Variants in ERCC1 observed in about 807,000 individuals in gnomAD.
The protein encoded by ERCC1 is ERCC excision repair 1, endonuclease non-catalytic subunit.
Under a neutral mutation model 37.6 loss-of-function variants are expected in ERCC1, and 36 were observed. The observed-to-expected ratio is 0.96, with a 90% CI of 0.73 to 1.26. ERCC1 has a LOEUF of 1.26. Among genes scored for constraint, ERCC1 ranks in the 50% most tolerant of loss-of-function variants. The pLI is 0.00. For missense variants in ERCC1, 349 were observed against 376.5 expected, an observed-to-expected ratio of 0.93 and a Z score of 0.60; for synonymous variants, 156 against 162.1, an observed-to-expected ratio of 0.96 and a Z score of 0.28.
At chr19:45,419,280 AAGGGCTCAGAGTACGGCATGGGGGACAG>A in intron 4 of ERCC1, 83 bp from the exon 5 acceptor site, 1 of 972,364 alleles carries the variant, frequency 1.0e-6, no homozygotes, top group Admixed American at 2.0e-5. Flanking sequence ...CTGGAATACT[AAGGGCTCAGAGTACGGCATGGGGGACAG>A]AGGGTCCTGA....
intron 1 of ERCC1, among the ~76,000 whole-genome samples, chr19:45,440,879 G>A (rs1023797349): frequency 6.6e-6 from 1 of 152,084 alleles, no homozygotes; most frequent in Non-Finnish European, 1.5e-5. Context: ...GACTACAGGT[G>A]TGCACCAGCA....
intron 6 of ERCC1, chr19:45,416,607 C>A: frequency 1.8e-6 from 1 of 549,850 alleles, no homozygotes; most frequent in Non-Finnish European, 3.2e-6. Flanking sequence ...CACTGCACTT[C>A]AGCCTAGGGG....
At chr19:45,442,231 G>A (rs754889832) in intron 1 of ERCC1, among the ~76,000 whole-genome samples, 10 of 151,018 alleles carry the variant, frequency 6.6e-5, no homozygotes, top group Non-Finnish European at 1.3e-4. Flanking sequence ...TGGGTGGGAG[G>A]ATCGGTTGAG....
intron 8 of ERCC1, 98 bp from the exon 9 acceptor site, chr19:45,413,843 G>A (rs918876568): frequency 1.8e-5 from 28 of 1,589,604 alleles, no homozygotes; most frequent in Non-Finnish European, 2.2e-5. Flanking sequence ...GGAGATGAGG[G>A]CCTGTGGGAA....
chr19:45,421,058 A>C, intron 3 of ERCC1, 120 bp downstream of exon 3: 1 of 822,974 alleles, frequency 1.2e-6, no homozygotes, highest in South Asian at 1.4e-5. Flanking sequence ...TGAATGAATG[A>C]ATGAATGAAT....
In ERCC1 at chr19:45,408,062, A is replaced by AAAAAAAAAAATCAAAAAACCT; in HGVS notation, c.*1612_*1613insAGGTTTTTTGATTTTTTTTTT. 48 of 755,298 alleles carry AAAAAAAAAAATCAAAAAACCT rather than the reference A, an allele frequency of 6.4e-5. No individual in the cohort carries two copies. The highest frequency in any genetic ancestry group is 7.4e-5 in the Non-Finnish European group (45 of 604,704). 46.8% of individuals were successfully genotyped at this position (755,298 alleles called of 1,614,324 possible). A position where few individuals can be genotyped will look rare whatever the true frequency, so the allele number is the denominator to read the frequency against. The stretch of plus-strand genomic sequence containing the variant: ...GAGCAAGACTCTCTCAAAAAAAAAC[A>AAAAAAAAAAATCAAAAAACCT]AAAAAAAAATCAAAAAACCTTCCCT... On this transcript the variant is annotated 3_prime_UTR_variant, in exon 10 of 10. Transcript: ENST00000300853.
Position 45,413,727 on chromosome 19 carries a change from C to T in ERCC1, c.793G>A (p.Ala265Thr), listed in dbSNP as rs144868115. The change falls in exon 9 of 10, where the codon GCC becomes ACC. Residue 265 changes from alanine to threonine, a missense_variant. Coordinates refer to ENST00000300853, the MANE Select transcript of ERCC1 (RefSeq NM_001983.4). ...TTFGSLEQLI[A>T]ASREDLALCP... ...AAGGCCAGATCTTCTCTTGATGCGG[C>T]GATGAGCTGTTCCAGAGACTGAAAG... 137 of 1,613,674 alleles carry T rather than the reference C, an allele frequency of 8.5e-5. No individual in the cohort carries two copies. The African/African-American group carries it at 1.1e-3, about 13-fold the overall frequency.
upstream of ERCC1, chr19:45,424,135 C>CA (rs1254860974): frequency 9.1e-6 from 8 of 875,428 alleles, no homozygotes; most frequent in Admixed American, 1.2e-4. Context: ...GCAGGAGATC[C>CA]AACTTGGTCC....
intron 1 of ERCC1, among the ~76,000 whole-genome samples, chr19:45,437,119 C>G (rs73564949): frequency 0.079 from 11,964 of 151,928 alleles, 1,537 homozygotes; most frequent in African/African-American, 0.27. Context: ...CGTTGTGACA[C>G]ACGCCCGTAA....
At chr19:45,421,808 T>G (rs537290799) in intron 2 of ERCC1, among the ~76,000 whole-genome samples, 1 of 152,086 alleles carries the variant, frequency 6.6e-6, no homozygotes, top group African/African-American at 2.4e-5. Flanking sequence ...AATTTTTGTA[T>G]TTTTAGTAGA....
At position 45,409,623 on chromosome 19, in the gene ERCC1, C is replaced by G. The variant is rs1271770191; in HGVS notation, c.*52G>C. 1 of 1,550,292 alleles carries G rather than the reference C, an allele frequency of 6.5e-7. No individual in the cohort carries two copies. The highest frequency in any genetic ancestry group is 1.1e-5 in the South Asian group (1 of 87,840). On this transcript the variant is annotated 3_prime_UTR_variant, in exon 10 of 10. Transcript: ENST00000300853. ...CCAGCGCAGCCAGCAGGAGCCTGGC[C>G]TGGGAGGACGATTTATTATTACACT... is the stretch of plus-strand genomic sequence containing the variant.
chr19:45,419,374 C>T (rs1399489682), intron 4 of ERCC1, 177 bp from the exon 5 acceptor site: 1 of 610,046 alleles, frequency 1.6e-6, no homozygotes, highest in Non-Finnish European at 3.0e-6. Flanking sequence ...AGATGCTCCG[C>T]AGGGATTGGC....
intron 9 of ERCC1, 144 bp from the exon 10 acceptor site, chr19:45,409,869 C>CTTT: frequency 4.6e-6 from 2 of 434,040 alleles, no homozygotes; most frequent in Admixed American, 4.0e-5. Flanking sequence ...CAGTTACAAT[C>CTTT]TTTTTAAGTT....
chr19:45,434,153 C>A (rs1376882574), intron 1 of ERCC1, among the ~76,000 whole-genome samples: 1 of 101,504 alleles, frequency 9.9e-6, no homozygotes, highest in Non-Finnish European at 1.9e-5. Flanking sequence ...CACACACACA[C>A]ACAAAAAAAA....
Position 45,408,357 on chromosome 19 carries a change from T to G in ERCC1, c.*1318A>C. ...CAGCAATCCCTGTCAGGGAGCCCTC[T>G]GCAGCCCATCCCAGCAAGTCCCCCA... On this transcript the variant is annotated 3_prime_UTR_variant, in exon 10 of 10. Coordinates refer to ENST00000300853, the MANE Select transcript of ERCC1 (RefSeq NM_001983.4). 3 of 1,608,048 alleles carry G rather than the reference T, an allele frequency of 1.9e-6. No individual in the cohort carries two copies. The highest frequency in any genetic ancestry group is 2.6e-6 in the Non-Finnish European group (3 of 1,175,790).
upstream of ERCC1, among the ~76,000 whole-genome samples, chr19:45,426,551 C>CA (rs199743758): frequency 0.11 from 13,774 of 127,362 alleles, 2,268 homozygotes; most frequent in African/African-American, 0.37. Flanking sequence ...AACTCCATCT[C>CA]AAAAAAAAAA....
Position 45,423,315 on chromosome 19 carries a change from C to T in ERCC1, c.60G>A (p.Lys20=), listed in dbSNP as rs758167924. ...VPQPSGPPAR[K]KFVIPLDEDE... is the part of the protein sequence containing the mutation. ...CCTCGTCGAGGGGTATCACAAATTT[C>T]TTCCTTGCTGGCGGCCCTGAGGGCT... is the stretch of plus-strand genomic sequence containing the variant. The change falls in exon 2 of 10, where the codon AAG becomes AAA. Residue 20 remains lysine (K), a synonymous_variant. Transcript: ENST00000300853. The T allele has an allele frequency of 7.1e-5, 115 of 1,613,892 alleles. No individual in the cohort carries two copies. The highest frequency in any genetic ancestry group is 9.7e-5 in the Non-Finnish European group (114 of 1,179,994).
chr19:45,420,473 G>C lies in ERCC1; in HGVS notation c.322-46C>G, dbSNP rs1200994533. 1 of 1,227,936 alleles carries C rather than the reference G, an allele frequency of 8.1e-7. No homozygotes were observed. Among genetic ancestry groups the C allele is most frequent in the Non-Finnish European group, 1.2e-6 (1 of 839,232 alleles). 76.1% of individuals were successfully genotyped at this position (1,227,936 alleles called of 1,614,324 possible). A position where few individuals can be genotyped will look rare whatever the true frequency, so the allele number is the denominator to read the frequency against. On this transcript the variant is annotated intron_variant, in intron 3 of 9. Transcript: ENST00000300853. This position sits in a 1 kb window ranked among gnomAD's most constrained non-coding sequence, Gnocchi z 4.8. ...GAAGCCATCAATAGGGATGACCCTT[G>C]ATAACCACAGGGCCCTCCTCCACCT...
At chr19:45,439,720 G>T (rs1361944359) in intron 1 of ERCC1, among the ~76,000 whole-genome samples, 3 of 151,934 alleles carry the variant, frequency 2.0e-5, no homozygotes, top group Non-Finnish European at 4.4e-5. Flanking sequence ...GCGCCCTGCC[G>T]GCTCGCCGGC....
Sources: gnomAD v4.1 joint callset for allele counts (sites outside exome capture counted in the v4.1 genomes callset) on GRCh38, gnomAD v4.1.1 for gene constraint, Gnocchi (gnomAD v3.1) non-coding constraint, MANE v1.5 for transcripts, NCBI Gene and HGNC (gene_info 2026-07-23, HGNC 2026-07-21) for gene names.